The following DCHS2 variants were observed in gnomAD, a reference collection of about 807,000 sequenced individuals.
DCHS2 encodes protocadherin-23.
A neutral mutation model predicts 182.4 loss-of-function variants in DCHS2; 142 were observed. That is an observed-to-expected ratio of 0.78 (90% CI 0.68 to 0.89). The LOEUF is 0.89. DCHS2 is among the 40% of genes least tolerant of loss of function. The probability of loss-of-function intolerance (pLI) is 0.00; values close to 1 mark genes in which losing one functional copy is unlikely to be tolerated. For synonymous variants in DCHS2, 1,740 were observed against 1,663.3 expected (o/e 1.05, Z -1.12); for missense variants, 4,319 against 4,198.6 (o/e 1.03, Z -0.79).
intron 5 of DCHS2, 97 bp downstream of exon 5, chr4:154,332,380 AT>A: frequency 1.8e-6 from 2 of 1,136,384 alleles, no homozygotes. Flanking sequence ...CTCAATCCTG[AT>A]TTTGTTTAAT....
At chr4:154,256,750 T>C (rs186209019) in intron 15 of DCHS2, among the ~76,000 whole-genome samples, 1 of 152,280 alleles carries the variant, frequency 6.6e-6, no homozygotes, top group Non-Finnish European at 1.5e-5. Context: ...GCTACTATAC[T>C]GATGAATGTC....
intron 3 of DCHS2, among the ~76,000 whole-genome samples, chr4:154,362,180 G>A (rs1367425494): frequency 1.3e-5 from 2 of 152,174 alleles, no homozygotes; most frequent in African/African-American, 4.8e-5. Context: ...AGGTATTCTG[G>A]AAGAGAATAG....
intron 1 of DCHS2, among the ~76,000 whole-genome samples, chr4:154,488,277 C>T (rs1407504944): frequency 1.3e-5 from 2 of 151,712 alleles, no homozygotes; most frequent in East Asian, 3.9e-4. Context: ...AAGGAGAGAT[C>T]AGGAAAACTA....
At chr4:154,303,802 A>G (rs566551084) in intron 12 of DCHS2, among the ~76,000 whole-genome samples, 11 of 152,262 alleles carry the variant, frequency 7.2e-5, no homozygotes, top group Admixed American at 6.5e-4. Context: ...ATTGTTGAAA[A>G]CTGATAATAA....
chr4:154,446,538 C>T (rs952697117), intron 1 of DCHS2, among the ~76,000 whole-genome samples: 5 of 152,148 alleles, frequency 3.3e-5, no homozygotes, highest in Admixed American at 1.3e-4. Context: ...GGAGGTGGGT[C>T]CTATTATCAT....
chr4:154,331,801 G>T (rs1032741389), intron 5 of DCHS2: 3 of 1,423,820 alleles, frequency 2.1e-6, no homozygotes, highest in Non-Finnish European at 1.9e-6. Context: ...AGTTTTCCCG[G>T]GTATGTATTT....
intron 1 of DCHS2, among the ~76,000 whole-genome samples, chr4:154,418,248 C>A (rs1009159089): frequency 2.0e-5 from 3 of 152,120 alleles, no homozygotes; most frequent in African/African-American, 7.2e-5. Flanking sequence ...ATATGTAGAA[C>A]CCGAGGCTCA....
At chr4:154,294,757 G>A (rs957186632) in intron 13 of DCHS2, among the ~76,000 whole-genome samples, 2 of 152,204 alleles carry the variant, frequency 1.3e-5, no homozygotes, top group African/African-American at 4.8e-5. Context: ...AACAGGGAAT[G>A]TGTAAATCAA....
At chr4:154,347,721 G>A (rs917489642) in intron 3 of DCHS2, among the ~76,000 whole-genome samples, 1 of 151,832 alleles carries the variant, frequency 6.6e-6, no homozygotes, top group Non-Finnish European at 1.5e-5. Flanking sequence ...TGGGGAAAGG[G>A]AAAGTAGGAG....
intron 13 of DCHS2, among the ~76,000 whole-genome samples, chr4:154,279,698 C>T (rs1734034725): frequency 6.6e-6 from 1 of 151,648 alleles, no homozygotes; most frequent in African/African-American, 2.4e-5. Context: ...AGAAACAAAA[C>T]ATACCAAAAA....
At chr4:154,277,366 G>C (rs1436030916) in intron 13 of DCHS2, among the ~76,000 whole-genome samples, 2 of 152,132 alleles carry the variant, frequency 1.3e-5, no homozygotes, top group African/African-American at 4.8e-5. Context: ...GAACTCAGTG[G>C]CTTACCGCAG....
chr4:154,448,654 A>C (rs1477798127), intron 1 of DCHS2, among the ~76,000 whole-genome samples: 1 of 152,180 alleles, frequency 6.6e-6, no homozygotes, highest in Admixed American at 6.5e-5. Context: ...CACTTTGATG[A>C]CTTTTTACTA....
intron 10 of DCHS2, among the ~76,000 whole-genome samples, chr4:154,308,338 A>G (rs185598127): frequency 1.5e-4 from 23 of 152,206 alleles, no homozygotes; most frequent in African/African-American, 5.3e-4. Context: ...TAAAAGAAAA[A>G]TAATATTTTT....
intron 5 of DCHS2, among the ~76,000 whole-genome samples, chr4:154,330,428 T>A (rs1736475361): frequency 6.6e-6 from 1 of 152,194 alleles, no homozygotes; most frequent in Non-Finnish European, 1.5e-5. Context: ...TATACTACCT[T>A]CAGTAACTTT....
chr4:154,356,843 T>C (rs1228881077), intron 3 of DCHS2, among the ~76,000 whole-genome samples: 3 of 152,162 alleles, frequency 2.0e-5, no homozygotes, highest in Admixed American at 2.0e-4. Flanking sequence ...TCCCCATCTT[T>C]GAGCAATGCA....
chr4:154,451,206 A>G (rs2110976758), intron 1 of DCHS2, among the ~76,000 whole-genome samples: 1 of 152,300 alleles, frequency 6.6e-6, no homozygotes, highest in East Asian at 1.9e-4. Flanking sequence ...TACTGTCTGG[A>G]GCCTTTGGCA....
intron 1 of DCHS2, among the ~76,000 whole-genome samples, chr4:154,479,944 A>G (rs369739016): frequency 4.6e-5 from 7 of 152,214 alleles, no homozygotes; most frequent in East Asian, 1.9e-4. Flanking sequence ...TATATCTGAC[A>G]GCTCTGAAAT....
At chr4:154,336,342 A>G (rs943468808) in intron 3 of DCHS2, among the ~76,000 whole-genome samples, 6 of 152,246 alleles carry the variant, frequency 3.9e-5, no homozygotes, top group Admixed American at 2.0e-4. Context: ...AAACGGATCT[A>G]ATGCAATCAA....
At chr4:154,389,746 C>G (rs983497876) in intron 1 of DCHS2, among the ~76,000 whole-genome samples, 1 of 151,552 alleles carries the variant, frequency 6.6e-6, no homozygotes, top group African/African-American at 2.4e-5. Flanking sequence ...ACGACCCCCA[C>G]CCCTCCTCGA....
Sources: gnomAD v4.1 joint callset for allele counts (sites outside exome capture counted in the v4.1 genomes callset) on GRCh38, gnomAD v4.1.1 for gene constraint, MANE v1.5 for transcripts, NCBI Gene and HGNC (gene_info 2026-07-23, HGNC 2026-07-21) for gene names.